Variants in MALRD1 observed in about 807,000 individuals in gnomAD.
MALRD1 encodes MAM and LDL receptor class A domain containing 1, also known as MAM and LDL-receptor class A domain-containing protein 1.
Under a neutral mutation model 242.1 loss-of-function variants are expected in MALRD1, and 247 were observed. The ratio of observed to expected loss-of-function variants is 1.02; its 90% CI spans 0.92 to 1.13. The LOEUF (loss-of-function observed/expected upper bound fraction) is 1.13. Among genes scored for constraint, MALRD1 ranks in the 50% most tolerant of loss-of-function variants. MALRD1 has a pLI of 0.00. For missense variants in MALRD1, 2,989 were observed against 2,533.1 expected (o/e 1.18, Z -3.86); for synonymous variants, 995 against 866.6 (o/e 1.15, Z -2.60).
intron 7 of MALRD1, among the ~76,000 whole-genome samples, chr10:19,126,200 A>C (rs2131387890): frequency 6.6e-6 from 1 of 152,188 alleles, no homozygotes; most frequent in South Asian, 2.1e-4. Flanking sequence ...TTATTTGAAA[A>C]TTTCAGTATG....
chr10:19,517,045 A>G (rs892109439), intron 31 of MALRD1, among the ~76,000 whole-genome samples: 2 of 152,210 alleles, frequency 1.3e-5, no homozygotes, highest in African/African-American at 4.8e-5. Context: ...GAGGGGTTTT[A>G]GTTGACCGAG....
At chr10:19,088,589 AT>A (rs1221146612) in intron 4 of MALRD1, among the ~76,000 whole-genome samples, 646 of 60,252 alleles carry the variant, frequency 0.011, 18 homozygotes, top group African/African-American at 0.029. Flanking sequence ...TTATTTATTT[AT>A]TTTTTTTTAT....
chr10:19,325,398 T>C lies in MALRD1; in HGVS notation c.3576+1293T>C, dbSNP rs540762233. Among the ~76,000 whole-genome samples, 34 of 132,332 alleles carry C rather than the reference T, an allele frequency of 2.6e-4. No homozygotes were observed. The South Asian group carries it at 6.5e-3, about 25-fold the overall frequency. 86.8% of individuals were successfully genotyped at this position (132,332 alleles called of 152,430 possible). A position where few individuals can be genotyped will look rare whatever the true frequency, so the allele number is the denominator to read the frequency against. The stretch of plus-strand genomic sequence containing the variant: ...TCCTGTCTCTGGAATTAACTATTCT[T>C]TCAGAAAGTCCTGTATTTTTTTTTT... On this transcript the variant is annotated intron_variant, in intron 22 of 39. Coordinates refer to ENST00000454679, the MANE Select transcript of MALRD1 (RefSeq NM_001142308.3).
intron 5 of MALRD1, among the ~76,000 whole-genome samples, chr10:19,111,963 G>A (rs151164524): frequency 1.3e-5 from 2 of 152,234 alleles, no homozygotes; most frequent in African/African-American, 4.8e-5. Context: ...AAATGTGAGA[G>A]ATTGTAAAAT....
chr10:19,048,822 T>C lies in MALRD1; in HGVS notation c.-117T>C, dbSNP rs1287764586. On this transcript the variant is annotated 5_prime_UTR_variant, in exon 1 of 40. Coordinates refer to ENST00000454679, the MANE Select transcript of MALRD1 (RefSeq NM_001142308.3). ...TGTTAGAGTTGCAGATAGTTACCAA[T>C]AGTATCCAGTTATAAGAAGCAAATC... is the stretch of plus-strand genomic sequence containing the variant. 1.4e-6 allele frequency: 1 copy of C among 716,478 alleles called. No individual in the cohort carries two copies. The highest frequency in any genetic ancestry group is 1.9e-6 in the Non-Finnish European group (1 of 517,524). 44.4% of individuals were successfully genotyped at this position (716,478 alleles called of 1,614,324 possible). A position where few individuals can be genotyped will look rare whatever the true frequency, so the allele number is the denominator to read the frequency against.
intron 35 of MALRD1, among the ~76,000 whole-genome samples, 170 bp downstream of exon 35, chr10:19,608,072 A>G (rs16919149): frequency 0.03 from 4,504 of 152,226 alleles, 173 homozygotes; most frequent in African/African-American, 0.094. Flanking sequence ...CCACATGTCT[A>G]AAGTATTATA....
At chr10:19,520,539 G>T (rs1432673024) in intron 31 of MALRD1, among the ~76,000 whole-genome samples, 1 of 152,134 alleles carries the variant, frequency 6.6e-6, no homozygotes, top group African/African-American at 2.4e-5. Context: ...GACTTTGTTG[G>T]CTGATAAGCC....
chr10:19,722,939 A>G (rs1589445221), intron 38 of MALRD1, among the ~76,000 whole-genome samples: 1 of 152,354 alleles, frequency 6.6e-6, no homozygotes, highest in East Asian at 1.9e-4. Context: ...TAGTAAGTCT[A>G]GGACCCAGTG....
chr10:19,686,509 A>T (rs1388081757), intron 36 of MALRD1, among the ~76,000 whole-genome samples: 2 of 152,000 alleles, frequency 1.3e-5, no homozygotes, highest in African/African-American at 4.8e-5. Flanking sequence ...CATTTGCTCA[A>T]CTCCTGAGAT....
intron 28 of MALRD1, among the ~76,000 whole-genome samples, chr10:19,405,492 A>T (rs1450788416): frequency 1.3e-5 from 2 of 152,164 alleles, no homozygotes; most frequent in Non-Finnish European, 2.9e-5. Context: ...CATCTGCTAT[A>T]ATCAACATAC....
At chr10:19,157,512 G>A (rs1408192830) in intron 12 of MALRD1, among the ~76,000 whole-genome samples, 1 of 152,046 alleles carries the variant, frequency 6.6e-6, no homozygotes, top group Non-Finnish European at 1.5e-5. Context: ...CTCCCAAAGT[G>A]CTGGGATTAC....
intron 29 of MALRD1, among the ~76,000 whole-genome samples, chr10:19,469,153 T>G (rs992192377): frequency 1.3e-5 from 2 of 152,138 alleles, no homozygotes; most frequent in African/African-American, 2.4e-5. Flanking sequence ...GACAGTAATG[T>G]GAACCCTTAT....
chr10:19,273,881 C>T (rs1840374767), intron 19 of MALRD1, among the ~76,000 whole-genome samples: 1 of 152,046 alleles, frequency 6.6e-6, no homozygotes, highest in Non-Finnish European at 1.5e-5. Context: ...CATAGGAAAA[C>T]ATGCTCAACA....
At chr10:19,570,316 A>C (rs1176113777) in intron 33 of MALRD1, among the ~76,000 whole-genome samples, 1 of 152,034 alleles carries the variant, frequency 6.6e-6, no homozygotes, top group Non-Finnish European at 1.5e-5. Context: ...TATCCACAGC[A>C]ATGTCTTAGG....
intron 17 of MALRD1, 127 bp downstream of exon 17, chr10:19,205,392 T>C: frequency 3.5e-6 from 4 of 1,127,170 alleles, no homozygotes; most frequent in Non-Finnish European, 4.9e-6. Flanking sequence ...GAATGTTATG[T>C]GTGGTTAATT....
intron 26 of MALRD1, among the ~76,000 whole-genome samples, chr10:19,355,753 C>G (rs902364540): frequency 2.0e-5 from 3 of 149,326 alleles, no homozygotes; most frequent in Non-Finnish European, 4.4e-5. Context: ...TTTAGAGACT[C>G]AAGCTGCGAA....
rs1217574096 is a variant in MALRD1 at position 19,073,915 on chromosome 10, G to A, written c.340+7056G>A. Among the ~76,000 whole-genome samples the A allele has an allele frequency of 5.9e-5, 9 of 152,116 alleles. No homozygotes were observed. The East Asian group carries it at 1.5e-3, about 26-fold the overall frequency. ...CAAACTCTGACTCCAGAAAGCGAAA[G>A]AGCATTTGAGAAAATAGTTGAAAGA... On this transcript the variant is annotated intron_variant, in intron 2 of 39. Transcript: ENST00000454679.
chr10:19,521,405 A>G (rs1396562027), intron 31 of MALRD1, among the ~76,000 whole-genome samples: 1 of 152,148 alleles, frequency 6.6e-6, no homozygotes, highest in Non-Finnish European at 1.5e-5. Context: ...AAAAGACAAA[A>G]TGAAATAAAC....
chr10:19,279,850 A>C (rs902186881), intron 19 of MALRD1, among the ~76,000 whole-genome samples, 197 bp from the exon 20 acceptor site: 1 of 152,192 alleles, frequency 6.6e-6, no homozygotes, highest in Non-Finnish European at 1.5e-5. Flanking sequence ...ATCATTTGTC[A>C]TGATCAAAGA....
Sources: gnomAD v4.1 joint callset for allele counts (sites outside exome capture counted in the v4.1 genomes callset) on GRCh38, gnomAD v4.1.1 for gene constraint, MANE v1.5 for transcripts, NCBI Gene and HGNC (gene_info 2026-07-23, HGNC 2026-07-21) for gene names.